Variants in TTC7B observed in about 807,000 individuals in gnomAD.
TTC7B encodes tetratricopeptide repeat domain 7B.
TTC7B carries 28 observed loss-of-function variants against 106.8 expected under a neutral mutation model. That is an observed-to-expected ratio of 0.26 (90% CI 0.19 to 0.36). The LOEUF (loss-of-function observed/expected upper bound fraction) is 0.36, where lower values mean the gene tolerates loss of function less well. TTC7B is among the 10% of genes least tolerant of loss of function. The pLI, the probability that TTC7B is intolerant of heterozygous loss-of-function variation, is 1.00. For synonymous variants in TTC7B, 405 were observed against 430.6 expected, an observed-to-expected ratio of 0.94 and a Z score of 0.74; for missense variants, 862 against 1,076.4, an observed-to-expected ratio of 0.80 and a Z score of 2.79.
intron 3 of TTC7B, among the ~76,000 whole-genome samples, chr14:90,780,191 G>T (rs895415135): frequency 2.0e-5 from 3 of 152,044 alleles, no homozygotes; most frequent in Admixed American, 2.0e-4. Flanking sequence ...AGACCAGCCT[G>T]ACCAACATGG....
chr14:90,566,181 G>C (rs1040018376), intron 19 of TTC7B, among the ~76,000 whole-genome samples: 2 of 151,940 alleles, frequency 1.3e-5, no homozygotes, highest in Admixed American at 6.6e-5. Context: ...TGGAATCCCT[G>C]TCTCTACTAA....
rs1044908946 is a variant in TTC7B at position 90,578,013 on chromosome 14, G to A, written c.2310+93C>T. 2 of 1,439,252 alleles carry A rather than the reference G, an allele frequency of 1.4e-6. No homozygotes were observed. Among genetic ancestry groups the A allele is most frequent in the African/African-American group, 2.8e-5 (2 of 71,230 alleles). 89.2% of individuals were successfully genotyped at this position (1,439,252 alleles called of 1,614,324 possible). On this transcript the variant is annotated intron_variant, in intron 19 of 19. Coordinates refer to ENST00000328459, the MANE Select transcript of TTC7B (RefSeq NM_001010854.2). This position sits in a 1 kb window ranked among gnomAD's most constrained non-coding sequence, Gnocchi z 4.7. Reference sequence around the variant, plus strand: ...AGCTAACTGCATGGGGCCTTTGGAAGCAGAAGAGGGTGTGAGGGTCATGTG... The same window carrying A: ...AGCTAACTGCATGGGGCCTTTGGAAACAGAAGAGGGTGTGAGGGTCATGTG...
Position 90,578,210 on chromosome 14 carries a change from G to A in TTC7B, c.2206C>T (p.Arg736Cys), listed in dbSNP as rs775846638. The change falls in exon 19 of 20, where the codon CGC (arginine) becomes TGC (cysteine). Residue 736 changes from arginine to cysteine, a missense_variant. By Grantham distance (180) the Arg-to-Cys change is radical. Coordinates refer to ENST00000328459, the MANE Select transcript of TTC7B (RefSeq NM_001010854.2). This position sits in a 1 kb window ranked among gnomAD's most constrained non-coding sequence, Gnocchi z 4.7. The stretch of plus-strand genomic sequence containing the variant: ...CCCCGGAGCTCAGCAATCTGGCCGC[G>A]CATGTAGAGGACATTGTGGGACATT... ...FPMSHNVLYM[R>C]GQIAELRGSM... 8.7e-6 allele frequency: 14 copies of A among 1,614,102 alleles called. No homozygotes were observed. The highest frequency in any genetic ancestry group is 1.7e-5 in the Admixed American group (1 of 59,996).
At chr14:90,673,268 C>T (rs1374893197) in intron 9 of TTC7B, among the ~76,000 whole-genome samples, 2 of 152,206 alleles carry the variant, frequency 1.3e-5, no homozygotes, top group Non-Finnish European at 1.5e-5. Context: ...GTCAATTAGT[C>T]AACTATCTCA....
chr14:90,565,494 C>G (rs575788306), intron 19 of TTC7B, among the ~76,000 whole-genome samples: 120 of 151,292 alleles, frequency 7.9e-4, no homozygotes, highest in Middle Eastern at 6.8e-3. Context: ...CTCCAACTCC[C>G]TGGTTCAAGG....
chr14:90,803,961 G>A (rs569989774), intron 1 of TTC7B, among the ~76,000 whole-genome samples: 1 of 152,168 alleles, frequency 6.6e-6, no homozygotes, highest in South Asian at 2.1e-4. Context: ...ATGTTATCAG[G>A]CCGGCCCAGA....
chr14:90,809,587 C>T (rs1047059406), intron 1 of TTC7B, among the ~76,000 whole-genome samples: 4 of 152,262 alleles, frequency 2.6e-5, no homozygotes, highest in East Asian at 1.9e-4. Context: ...CCTTGCAGGA[C>T]GCCATTTCTC....
chr14:90,670,021 G>A (rs1886571922), intron 9 of TTC7B, among the ~76,000 whole-genome samples: 2 of 152,316 alleles, frequency 1.3e-5, no homozygotes, highest in Admixed American at 1.3e-4. Flanking sequence ...GGAGAAGGAA[G>A]GAAAGTCCAA....
intron 13 of TTC7B, 29 bp from the exon 14 acceptor site, chr14:90,647,052 A>G (rs747711008): frequency 1.2e-6 from 2 of 1,608,398 alleles, no homozygotes; most frequent in Admixed American, 1.7e-5. Flanking sequence ...CTATTAGTAC[A>G]TGGGAGAGGA....
Position 90,807,231 on chromosome 14 carries a change from C to T in TTC7B, c.121+8944G>A, listed in dbSNP as rs1017265995. 2.6e-5 allele frequency among the ~76,000 whole-genome samples: 4 copies of T among 152,130 alleles called. No individual in the cohort carries two copies. The highest frequency in any genetic ancestry group is 5.9e-5 in the Non-Finnish European group (4 of 68,018). On this transcript the variant is annotated intron_variant, in intron 1 of 19. Transcript: ENST00000328459. This position sits in a 1 kb window ranked among gnomAD's most constrained non-coding sequence, Gnocchi z 4.1. ...ATCCTCCTCCTGGTGCCCTGCCAGG[C>T]CCTGCTTACCCACTCACTGCCACTG...
chr14:90,680,063 T>C lies in TTC7B; in HGVS notation c.1014+409A>G, dbSNP rs191344496. On this transcript the variant is annotated intron_variant, in intron 8 of 19. Transcript: ENST00000328459. Reference sequence around the variant, plus strand: ...TCCAACAAATGACTTATCCCAAAATTCTCGCCCACTCCAGGGCAAATTGAG... The same window carrying C: ...TCCAACAAATGACTTATCCCAAAATCCTCGCCCACTCCAGGGCAAATTGAG... Among the ~76,000 whole-genome samples, 397 of 152,268 alleles carry C rather than the reference T, an allele frequency of 2.6e-3. 2 individuals carry two copies. Among genetic ancestry groups the C allele is most frequent in the African/African-American group, 9.1e-3 (378 of 41,550 alleles).
intron 17 of TTC7B, among the ~76,000 whole-genome samples, chr14:90,603,465 C>G (rs1405389484): frequency 6.6e-6 from 1 of 152,182 alleles, no homozygotes; most frequent in Non-Finnish European, 1.5e-5. Context: ...CATTTTTCCA[C>G]TAACATTTTT....
chr14:90,575,875 T>C lies in TTC7B; in HGVS notation c.2310+2231A>G, dbSNP rs557481713. ...GAGAGGTTTTAATAGTTTATTATGATGACCCCTCTCTACTGGCAAGATCTC... is the reference window on the plus strand; with the variant it reads ...GAGAGGTTTTAATAGTTTATTATGACGACCCCTCTCTACTGGCAAGATCTC... On this transcript the variant is annotated intron_variant, in intron 19 of 19. Coordinates refer to ENST00000328459, the MANE Select transcript of TTC7B (RefSeq NM_001010854.2). This position sits in a 1 kb window ranked among gnomAD's most constrained non-coding sequence, Gnocchi z 5.2. Among the ~76,000 whole-genome samples the C allele has an allele frequency of 6.6e-6, 1 of 152,318 alleles. No individual in the cohort carries two copies. The highest frequency in any genetic ancestry group is 1.5e-5 in the Non-Finnish European group (1 of 68,024).
chr14:90,718,550 G>A (rs1456395095), intron 5 of TTC7B, among the ~76,000 whole-genome samples: 3 of 152,278 alleles, frequency 2.0e-5, no homozygotes, highest in East Asian at 1.9e-4. Flanking sequence ...CTAGGTGGTC[G>A]TAGTGTATCT....
chr14:90,543,446 C>A (rs574046672), intron 19 of TTC7B, among the ~76,000 whole-genome samples: 12 of 152,306 alleles, frequency 7.9e-5, no homozygotes, highest in East Asian at 5.8e-4. Context: ...GAATCAGGGG[C>A]CTTCCACTAT....
At chr14:90,558,024 C>T (rs1472791215) in intron 19 of TTC7B, among the ~76,000 whole-genome samples, 1 of 152,242 alleles carries the variant, frequency 6.6e-6, no homozygotes, top group African/African-American at 2.4e-5. Flanking sequence ...GGCTAAAAGT[C>T]ACTGCAGTCC....
chr14:90,708,789 A>C (rs1479721891), intron 5 of TTC7B, among the ~76,000 whole-genome samples: 1 of 152,226 alleles, frequency 6.6e-6, no homozygotes, highest in East Asian at 1.9e-4. Flanking sequence ...GGAAAAGCAA[A>C]TTGAAAACCT....
At chr14:90,727,735 C>G (rs1247646618) in intron 5 of TTC7B, among the ~76,000 whole-genome samples, 1 of 152,212 alleles carries the variant, frequency 6.6e-6, no homozygotes, top group Non-Finnish European at 1.5e-5. Flanking sequence ...CATTGTGTTT[C>G]ATCAATTCCA....
intron 17 of TTC7B, among the ~76,000 whole-genome samples, chr14:90,597,391 C>T (rs943433770): frequency 6.6e-6 from 1 of 152,204 alleles, no homozygotes; most frequent in Non-Finnish European, 1.5e-5. Flanking sequence ...GGCGCGGTGG[C>T]TCATGCCTGT....
Sources: gnomAD v4.1 joint callset for allele counts (sites outside exome capture counted in the v4.1 genomes callset) on GRCh38, gnomAD v4.1.1 for gene constraint, Gnocchi (gnomAD v3.1) non-coding constraint, MANE v1.5 for transcripts, NCBI Gene and HGNC (gene_info 2026-07-23, HGNC 2026-07-21) for gene names.